The following MARK2 variants were observed in gnomAD, a reference collection of about 807,000 sequenced individuals.
The protein encoded by MARK2 is microtubule affinity regulating kinase 2.
A neutral mutation model predicts 89.8 loss-of-function variants in MARK2; 16 were observed. The observed-to-expected ratio is 0.18, with a 90% CI of 0.12 to 0.27. MARK2 has a LOEUF of 0.27. Ranked by LOEUF, MARK2 falls within the 10% of genes least tolerant of loss-of-function variation. The pLI, the probability that MARK2 is intolerant of heterozygous loss-of-function variation, is 1.00. For synonymous variants in MARK2, 382 were observed against 399.5 expected (o/e 0.96, Z 0.52); for missense variants, 621 against 1,049.9 (o/e 0.59, Z 5.65).
chr11:63,841,125 T>C (rs912327277), intron 1 of MARK2, among the ~76,000 whole-genome samples: 14 of 152,316 alleles, frequency 9.2e-5, no homozygotes, highest in African/African-American at 3.1e-4. Flanking sequence ...TTCCATCCTT[T>C]ATGTTTCCCT....
In MARK2 at chr11:63,910,942, C is replaced by G. The variant is rs192399654; in HGVS notation, c.*1705C>G. 38 of 152,416 alleles carry G rather than the reference C, an allele frequency of 2.5e-4. 1 individual carries two copies. The highest frequency in any genetic ancestry group is 7.5e-4 in the African/African-American group (31 of 41,580). The allele number at this position is 152,416 out of a possible 1,614,324, so 9.4% of individuals were successfully genotyped here. On this transcript the variant is annotated 3_prime_UTR_variant, in exon 19 of 19. Coordinates refer to ENST00000402010, the MANE Select transcript of MARK2 (RefSeq NM_001039469.3). ...CCCAGGCAAGGTGGCCCCTCCCCGT[C>G]TAGCCCCCTCCTCCCCAACCCTGCA...
intron 1 of MARK2, among the ~76,000 whole-genome samples, chr11:63,850,315 A>ATTTTTTTTTTTTTTTTTT (rs34074167): frequency 3.1e-5 from 3 of 95,756 alleles, no homozygotes; most frequent in African/African-American, 4.1e-5. Flanking sequence ...TACCTGGCTA[A>ATTTTTTTTTTTTTTTTTT]TTTTTTTTTT....
chr11:63,849,045 C>T (rs1216685824), intron 1 of MARK2, among the ~76,000 whole-genome samples: 1 of 152,208 alleles, frequency 6.6e-6, no homozygotes, highest in East Asian at 1.9e-4. Flanking sequence ...CACCCTGTCA[C>T]CCAGGCTAGT....
intron 1 of MARK2, 61 bp from the exon 2 acceptor site, chr11:63,895,098 A>G (rs1201671974): frequency 2.8e-6 from 4 of 1,443,324 alleles, no homozygotes; most frequent in Non-Finnish European, 3.8e-6. Context: ...TATATTTTGC[A>G]GAGAGCGTTT....
At chr11:63,881,197 T>TGGG (rs1939068240) in intron 1 of MARK2, among the ~76,000 whole-genome samples, 2 of 150,910 alleles carry the variant, frequency 1.3e-5, no homozygotes, top group South Asian at 4.2e-4. Context: ...CCCAGCTACT[T>TGGG]GGGAGGCTGA....
At position 63,909,210 on chromosome 11, in the gene MARK2, C is replaced by G. The variant is rs762204707; in HGVS notation, c.2340C>G (p.Ser780=). The part of the protein sequence containing the change: ...GTSMAFKNIA[S]KIANELKL ...CCATGGCCTTCAAAAACATTGCCTC[C>G]AAAATAGCCAACGAGCTGAAGCTTT... is the stretch of plus-strand genomic sequence containing the variant. The change falls in exon 19 of 19, where the codon TCC becomes TCG. Residue 780 remains serine (S), a synonymous_variant. Transcript: ENST00000402010. The G allele has an allele frequency of 1.2e-5, 19 of 1,592,488 alleles. No individual in the cohort carries two copies. Among genetic ancestry groups the G allele is most frequent in the Non-Finnish European group, 1.5e-5 (17 of 1,162,418 alleles).
chr11:63,895,551 G>A (rs1294565800), intron 2 of MARK2, 29 bp from the exon 3 acceptor site: 1 of 1,606,048 alleles, frequency 6.2e-7, no homozygotes. Context: ...TCAGAGAAGT[G>A]ATTTGGGGCC....
chr11:63,895,105 G>A (rs962648249), intron 1 of MARK2, 54 bp from the exon 2 acceptor site: 31 of 1,514,444 alleles, frequency 2.0e-5, no homozygotes, highest in Middle Eastern at 1.9e-4. Context: ...TGCAGAGAGC[G>A]TTTAGAGGAC....
In MARK2 at chr11:63,895,640, A is replaced by ACATGGCAC; in HGVS notation, c.288+9_288+16dup. On this transcript the variant is annotated splice_region_variant and intron_variant, in intron 3 of 18. Coordinates refer to ENST00000402010, the MANE Select transcript of MARK2 (RefSeq NM_001039469.3). Reference sequence around the variant, plus strand: ...CTCCTCCAGCCTCCAGAAAGTAAGCACATGGCACCTCCTGTCCCTTTTTTT... The same window carrying ACATGGCAC: ...CTCCTCCAGCCTCCAGAAAGTAAGCACATGGCACCATGGCACCTCCTGTCCCTTTTTTT... 6.4e-7 allele frequency: 1 copy of ACATGGCAC among 1,550,852 alleles called. No homozygotes were observed. The highest frequency in any genetic ancestry group is 8.9e-7 in the Non-Finnish European group (1 of 1,129,194).
intron 1 of MARK2, among the ~76,000 whole-genome samples, chr11:63,853,314 G>A (rs758606251): frequency 9.2e-5 from 14 of 151,882 alleles, no homozygotes; most frequent in South Asian, 6.2e-4. Flanking sequence ...CAGGAGAATC[G>A]TTTGAACCCA....
chr11:63,844,306 T>TC (rs1480602239), intron 1 of MARK2, among the ~76,000 whole-genome samples: 5 of 152,104 alleles, frequency 3.3e-5, no homozygotes, highest in African/African-American at 1.2e-4. Context: ...AAAGTGAGAC[T>TC]CCATCTCTAC....
At chr11:63,880,988 G>A (rs970083046) in intron 1 of MARK2, among the ~76,000 whole-genome samples, 6 of 152,182 alleles carry the variant, frequency 3.9e-5, no homozygotes, top group African/African-American at 1.4e-4. Flanking sequence ...ATACTGTGCT[G>A]GGCATTGTTC....
At position 63,903,483 on chromosome 11, in the gene MARK2, C is replaced by G. The variant is rs1348500091; in HGVS notation, c.1514+325C>G. 1.0e-5 allele frequency: 4 copies of G among 396,084 alleles called. No homozygotes were observed. The highest frequency in any genetic ancestry group is 1.9e-5 in the Non-Finnish European group (4 of 211,488). 24.5% of individuals were successfully genotyped at this position (396,084 alleles called of 1,614,324 possible). A position where few individuals can be genotyped will look rare whatever the true frequency, so the allele number is the denominator to read the frequency against. On this transcript the variant is annotated intron_variant, in intron 14 of 18. Coordinates refer to ENST00000402010, the MANE Select transcript of MARK2 (RefSeq NM_001039469.3). This position sits in a 1 kb window ranked among gnomAD's most constrained non-coding sequence, Gnocchi z 5.1. ...GCAGCTAAGGCCTTGTGTTGGGGGT[C>G]CCAGCTCAGGGCAGAACCAAGAGAT...
chr11:63,906,006 C>A (rs763242117), intron 16 of MARK2, 82 bp from the exon 17 acceptor site: 326 of 1,193,560 alleles, frequency 2.7e-4, no homozygotes, highest in Non-Finnish European at 3.3e-4. Flanking sequence ...CCACCTCCCC[C>A]ACCTGCTTAT....
At chr11:63,859,884 C>T (rs944676840) in intron 1 of MARK2, among the ~76,000 whole-genome samples, 1 of 152,190 alleles carries the variant, frequency 6.6e-6, no homozygotes, top group Non-Finnish European at 1.5e-5. Flanking sequence ...CCTGCCGTGG[C>T]CTCCTAAAGT....
chr11:63,857,023 G>A (rs1165169135), intron 1 of MARK2, among the ~76,000 whole-genome samples: 4 of 151,666 alleles, frequency 2.6e-5, no homozygotes, highest in African/African-American at 9.7e-5. Flanking sequence ...GTGTTAGCCA[G>A]GATGGTCTCG....
Position 63,909,413 on chromosome 11 carries a change from T to C in MARK2, c.*176T>C, listed in dbSNP as rs2134238124. The stretch of plus-strand genomic sequence containing the variant: ...TACATGTTTGTGGGGGGTGGGAGAT[T>C]GTTCTCCAGCACCCCACATTCACCC... On this transcript the variant is annotated 3_prime_UTR_variant, in exon 19 of 19. Coordinates refer to ENST00000402010, the MANE Select transcript of MARK2 (RefSeq NM_001039469.3). The C allele has an allele frequency of 1.6e-6, 1 of 630,080 alleles. No individual in the cohort carries two copies. 39.0% of individuals were successfully genotyped at this position (630,080 alleles called of 1,614,324 possible).
Position 63,900,224 on chromosome 11 carries a change from A to G in MARK2, c.768+114A>G. ...CATTTGTCCCAAGCCAAAGCTTCAG[A>G]GAAGGGCTTGCTGAGGTAGCAGCAG... On this transcript the variant is annotated intron_variant, in intron 8 of 18. Coordinates refer to ENST00000402010, the MANE Select transcript of MARK2 (RefSeq NM_001039469.3). This position sits in a 1 kb window ranked among gnomAD's most constrained non-coding sequence, Gnocchi z 4.7. 2 of 827,958 alleles carry G rather than the reference A, an allele frequency of 2.4e-6. No homozygotes were observed. Among genetic ancestry groups the G allele is most frequent in the Non-Finnish European group, 2.0e-6 (1 of 501,068 alleles). 51.3% of individuals were successfully genotyped at this position (827,958 alleles called of 1,614,324 possible).
intron 1 of MARK2, among the ~76,000 whole-genome samples, chr11:63,872,722 G>A (rs1242218668): frequency 4.6e-5 from 7 of 152,116 alleles, no homozygotes; most frequent in Admixed American, 2.0e-4. Context: ...TGATGTGCAC[G>A]TTCTCCAAAA....
Sources: allele counts gnomAD v4.1 joint callset (sites outside exome capture counted in the v4.1 genomes callset), GRCh38; gene constraint gnomAD v4.1.1; non-coding constraint Gnocchi (gnomAD v3.1); transcripts MANE v1.5; gene names NCBI Gene and HGNC (gene_info 2026-07-23, HGNC 2026-07-21).